CCDC170: variants seen among roughly 807,000 people sequenced by gnomAD.
CCDC170 encodes the protein coiled-coil domain containing 170, also known as coiled-coil domain-containing protein 170.
CCDC170 carries 69 observed loss-of-function variants against 72.6 expected under a neutral mutation model. The observed-to-expected ratio is 0.95, with a 90% confidence interval of 0.78 to 1.16. The LOEUF is 1.16. Ranked by LOEUF, CCDC170 falls within the 50% of genes most tolerant of loss-of-function variation. The pLI is 0.00. For synonymous variants in CCDC170, 300 were observed against 303.9 expected, an observed-to-expected ratio of 0.99 and a Z score of 0.13; for missense variants, 852 against 832.5, an observed-to-expected ratio of 1.02 and a Z score of -0.29.
Position 151,618,544 on chromosome 6 carries a change from T to G in CCDC170, c.*397T>G, listed in dbSNP as rs1777007006. On this transcript the variant is annotated 3_prime_UTR_variant, in exon 11 of 11. Transcript: ENST00000239374. ...ACCTTTCTGGGGCTCAGACATAAAG[T>G]TACCTATCCAAGGTTGCAGTTGGGT... 1 of 197,152 alleles carries G rather than the reference T, an allele frequency of 5.1e-6. No homozygotes were observed. Among genetic ancestry groups the G allele is most frequent in the Non-Finnish European group, 1.1e-5 (1 of 94,904 alleles). The allele number at this position is 197,152 out of a possible 1,614,324, so 12.2% of individuals were successfully genotyped here. A position where few individuals can be genotyped will look rare whatever the true frequency, so the allele number is the denominator to read the frequency against.
chr6:151,570,884 A>G (rs1031208878), intron 5 of CCDC170, among the ~76,000 whole-genome samples: 7 of 152,224 alleles, frequency 4.6e-5, no homozygotes, highest in Non-Finnish European at 8.8e-5. Context: ...TACAGACATG[A>G]CTAGTTTAGC....
chr6:151,502,717 A>T (rs555356999), intron 1 of CCDC170, among the ~76,000 whole-genome samples: 33 of 152,220 alleles, frequency 2.2e-4, no homozygotes, highest in Non-Finnish European at 3.2e-4. Context: ...CTGCTTAGTG[A>T]ATCATACATT....
At chr6:151,543,834 G>C (rs1184980332) in intron 3 of CCDC170, among the ~76,000 whole-genome samples, 1 of 152,188 alleles carries the variant, frequency 6.6e-6, no homozygotes, top group Admixed American at 6.5e-5. Context: ...GTATTCCGAT[G>C]TGTATATATC....
chr6:151,591,071 A>T (rs944098939), intron 7 of CCDC170, among the ~76,000 whole-genome samples: 1 of 152,222 alleles, frequency 6.6e-6, no homozygotes, highest in Admixed American at 6.5e-5. Context: ...AATTGTATTC[A>T]TATGTATGCT....
chr6:151,548,407 C>T lies in CCDC170; in HGVS notation c.692C>T (p.Thr231Met), dbSNP rs371000974. 45 of 1,612,648 alleles carry T rather than the reference C, an allele frequency of 2.8e-5. No homozygotes were observed. Among genetic ancestry groups the T allele is most frequent in the Non-Finnish European group, 3.6e-5 (42 of 1,179,142 alleles). ...ATGGAAGCAAAAGCTAGCAGAGAAA[C>T]GATCATGAGGCTGGCTTCAGAAGTC... ...HEMEAKASRE[T>M]IMRLASEVNR... Residue 231 changes from threonine to methionine, a missense_variant, in exon 5 of 11, where the codon ACG becomes ATG. Transcript: ENST00000239374.
chr6:151,504,270 T>C (rs1171287151), intron 1 of CCDC170, among the ~76,000 whole-genome samples: 1 of 152,166 alleles, frequency 6.6e-6, no homozygotes, highest in Non-Finnish European at 1.5e-5. Flanking sequence ...GGATTATTCT[T>C]GCAACTTTTC....
intron 5 of CCDC170, among the ~76,000 whole-genome samples, chr6:151,565,065 T>A (rs1367423226): frequency 6.6e-6 from 1 of 152,078 alleles, no homozygotes; most frequent in Non-Finnish European, 1.5e-5. Flanking sequence ...CACTTGTATA[T>A]GTGCGATGGT....
At chr6:151,593,767 A>C (rs1399683796) in intron 8 of CCDC170, among the ~76,000 whole-genome samples, 6 of 151,062 alleles carry the variant, frequency 4.0e-5, no homozygotes, top group Non-Finnish European at 8.8e-5. Context: ...GCAAAAGAAC[A>C]AGCAGAGGCA....
intron 1 of CCDC170, among the ~76,000 whole-genome samples, chr6:151,517,772 A>G (rs1782258245): frequency 1.3e-5 from 2 of 152,036 alleles, no homozygotes; most frequent in African/African-American, 2.4e-5. Context: ...TCCTGTATCA[A>G]TGTGACTCAT....
chr6:151,583,519 G>A (rs867974500), intron 6 of CCDC170, among the ~76,000 whole-genome samples: 24 of 152,046 alleles, frequency 1.6e-4, no homozygotes, highest in African/African-American at 3.4e-4. Context: ...GTGCAGTGGC[G>A]TGATGTTGGC....
At chr6:151,562,008 C>G (rs1776041051) in intron 5 of CCDC170, among the ~76,000 whole-genome samples, 2 of 152,114 alleles carry the variant, frequency 1.3e-5, no homozygotes, top group South Asian at 4.2e-4. Flanking sequence ...TTAGTGTAAT[C>G]TATTATTAAA....
At chr6:151,580,176 A>C (rs1776360683) in intron 6 of CCDC170, among the ~76,000 whole-genome samples, 1 of 152,094 alleles carries the variant, frequency 6.6e-6, no homozygotes, top group Non-Finnish European at 1.5e-5. Context: ...ACTATGGCTA[A>C]CTGATCACAC....
rs536831382 is a variant in CCDC170 at position 151,542,084 on chromosome 6, T to C, written c.444-2488T>C. 2.0e-4 allele frequency among the ~76,000 whole-genome samples: 30 copies of C among 151,922 alleles called. No individual in the cohort carries two copies. The East Asian group carries it at 5.2e-3, about 26-fold the overall frequency. ...TAGTAGAGACGGGGTTTTGCCATGTTGGCCAGACTGGTCTCGAGCTCCTGA... is the reference window on the plus strand; with the variant it reads ...TAGTAGAGACGGGGTTTTGCCATGTCGGCCAGACTGGTCTCGAGCTCCTGA... On this transcript the variant is annotated intron_variant, in intron 3 of 10. Coordinates refer to ENST00000239374, the MANE Select transcript of CCDC170 (RefSeq NM_025059.4).
intron 4 of CCDC170, among the ~76,000 whole-genome samples, chr6:151,547,041 G>A (rs960694491): frequency 7.9e-5 from 12 of 151,122 alleles, no homozygotes; most frequent in Non-Finnish European, 1.6e-4. Context: ...CTGCTGTCTT[G>A]ACCAAGACTT....
chr6:151,596,434 G>A lies in CCDC170; in HGVS notation c.1567G>A (p.Ala523Thr), dbSNP rs200776453. Residue 523 changes from alanine to threonine, a missense_variant, in exon 9 of 11, where the codon GCC (alanine) becomes ACC (threonine). Physicochemically the swap from Ala to Thr is moderately conservative, Grantham distance 58. Transcript: ENST00000239374. ...QLEEEKQART[A>T]LVVERDNAHL... The stretch of plus-strand genomic sequence containing the variant: ...GGAGGAGGAGAAGCAGGCACGCACG[G>A]CCTTGGTGGTTGAGAGGGACAACGC... The A allele has an allele frequency of 1.9e-6, 3 of 1,614,030 alleles. No homozygotes were observed. The Admixed American group carries it at 5.0e-5, about 27-fold the overall frequency.
rs554388937 is a variant in CCDC170, at chr6:151,533,262, G to C, written c.58-3056G>C. Among the ~76,000 whole-genome samples, 49 of 151,542 alleles carry C rather than the reference G, an allele frequency of 3.2e-4. 1 individual carries two copies. Among genetic ancestry groups the C allele is most frequent in the African/African-American group, 9.7e-4 (40 of 41,394 alleles). On this transcript the variant is annotated intron_variant, in intron 1 of 10. Coordinates refer to ENST00000239374, the MANE Select transcript of CCDC170 (RefSeq NM_025059.4). ...GTAGAGACGGGGTTTCACCATGTTA[G>C]CCAGGATGGTCTCGATCTCCTGACC...
At chr6:151,542,030 C>T (rs1345547796) in intron 3 of CCDC170, among the ~76,000 whole-genome samples, 4 of 151,060 alleles carry the variant, frequency 2.6e-5, no homozygotes, top group Non-Finnish European at 2.9e-5. Flanking sequence ...CAGGCATGTG[C>T]CACCACACCC....
At chr6:151,616,038 G>T (rs1776962096) in intron 10 of CCDC170, among the ~76,000 whole-genome samples, 1 of 152,132 alleles carries the variant, frequency 6.6e-6, no homozygotes, top group Non-Finnish European at 1.5e-5. Context: ...TGTAGGAAAG[G>T]AAAAGACATT....
intron 7 of CCDC170, among the ~76,000 whole-genome samples, chr6:151,592,015 T>A (rs1001317322): frequency 6.6e-6 from 1 of 151,910 alleles, no homozygotes; most frequent in African/African-American, 2.4e-5. Flanking sequence ...TGGGAAAAAT[T>A]CCCAAGGAAG....
Sources: gnomAD v4.1 joint callset for allele counts (sites outside exome capture counted in the v4.1 genomes callset) on GRCh38, gnomAD v4.1.1 for gene constraint, MANE v1.5 for transcripts, NCBI Gene and HGNC (gene_info 2026-07-23, HGNC 2026-07-21) for gene names.